The following XKR6 variants were observed in gnomAD, a reference collection of about 807,000 sequenced individuals.
XKR6 encodes XK related 6.
Under a neutral mutation model 56.7 loss-of-function variants are expected in XKR6, and 22 were observed. That is an observed-to-expected ratio of 0.39 (90% confidence interval 0.28 to 0.55). The LOEUF is 0.55. Among genes scored for constraint, XKR6 ranks in the 20% least tolerant of loss-of-function variants. The probability of loss-of-function intolerance (pLI) is 0.66; values close to 1 mark genes in which losing one functional copy is unlikely to be tolerated. For synonymous variants in XKR6, 524 were observed against 387.8 expected (o/e 1.35, Z -4.13); for missense variants, 852 against 889.0 (o/e 0.96, Z 0.53).
chr8:11,093,545 T>A (rs1446505392), intron 1 of XKR6, among the ~76,000 whole-genome samples: 1 of 152,196 alleles, frequency 6.6e-6, no homozygotes, highest in East Asian at 1.9e-4. Context: ...AGTCTCTTAG[T>A]TATAATAGCC....
At chr8:10,900,265 C>T (rs775234226) in intron 2 of XKR6, among the ~76,000 whole-genome samples, 1 of 152,146 alleles carries the variant, frequency 6.6e-6, no homozygotes, top group Non-Finnish European at 1.5e-5. Flanking sequence ...CCCCATTCAT[C>T]AAGACACTGG....
At chr8:11,094,456 C>T (rs1210077742) in intron 1 of XKR6, among the ~76,000 whole-genome samples, 13 of 152,196 alleles carry the variant, frequency 8.5e-5, no homozygotes, top group Admixed American at 8.5e-4. Flanking sequence ...TCCCAAAGTG[C>T]TGGGAGTACA....
intron 2 of XKR6, among the ~76,000 whole-genome samples, chr8:10,906,128 G>T (rs1312287504): frequency 2.6e-5 from 4 of 152,220 alleles, no homozygotes; most frequent in African/African-American, 9.6e-5. Context: ...ATCTGCATGT[G>T]CTGGAGCTGG....
At chr8:11,065,947 A>G (rs770792656) in intron 1 of XKR6, among the ~76,000 whole-genome samples, 5 of 151,984 alleles carry the variant, frequency 3.3e-5, no homozygotes, top group Non-Finnish European at 5.9e-5. Flanking sequence ...TGGGTAAGTC[A>G]CTCTTCAAGC....
At chr8:10,910,146 C>G (rs1484522249) in intron 2 of XKR6, among the ~76,000 whole-genome samples, 1 of 152,116 alleles carries the variant, frequency 6.6e-6, no homozygotes, top group Non-Finnish European at 1.5e-5. Context: ...CTGCTGGCAT[C>G]TGGCAGGTAG....
chr8:10,981,346 G>A (rs563433766), intron 1 of XKR6, among the ~76,000 whole-genome samples: 1 of 152,112 alleles, frequency 6.6e-6, no homozygotes, highest in Non-Finnish European at 1.5e-5. Context: ...CACGTTCCAG[G>A]TGAGGCCCAT....
At chr8:11,026,613 T>C (rs867537222) in intron 1 of XKR6, among the ~76,000 whole-genome samples, 29 of 144,574 alleles carry the variant, frequency 2.0e-4, no homozygotes, top group African/African-American at 6.6e-4. Flanking sequence ...TACTACACAC[T>C]TAGATGGTCT....
intron 1 of XKR6, among the ~76,000 whole-genome samples, chr8:11,133,312 G>A (rs80059815): frequency 1.3e-5 from 2 of 152,094 alleles, no homozygotes; most frequent in Non-Finnish European, 2.9e-5. Flanking sequence ...CTTTGTGAGA[G>A]GCAAGGTGGA....
chr8:10,912,872 G>A (rs946628073), intron 2 of XKR6, among the ~76,000 whole-genome samples: 4 of 71,560 alleles, frequency 5.6e-5, no homozygotes, highest in Admixed American at 2.1e-4. Flanking sequence ...TATAGATAGA[G>A]AGAAAGAGGG....
intron 2 of XKR6, among the ~76,000 whole-genome samples, chr8:10,915,926 T>C (rs2129113328): frequency 6.6e-6 from 1 of 151,970 alleles, no homozygotes; most frequent in South Asian, 2.1e-4. Flanking sequence ...CAAGAGGGAG[T>C]TGGTCCTCTT....
chr8:11,198,905 C>A (rs549049574), intron 1 of XKR6, among the ~76,000 whole-genome samples: 13 of 151,972 alleles, frequency 8.6e-5, no homozygotes, highest in Non-Finnish European at 1.9e-4. Context: ...AGAAAACAAC[C>A]CCCAGCCCCC....
chr8:11,157,583 A>T (rs1343783897), intron 1 of XKR6, among the ~76,000 whole-genome samples: 1 of 152,130 alleles, frequency 6.6e-6, no homozygotes, highest in Non-Finnish European at 1.5e-5. Flanking sequence ...TGGCGTGATC[A>T]TAGCTCACTG....
intron 1 of XKR6, among the ~76,000 whole-genome samples, chr8:11,148,690 G>A (rs1015952508): frequency 6.6e-6 from 1 of 152,110 alleles, no homozygotes; most frequent in Non-Finnish European, 1.5e-5. Flanking sequence ...TTATCGAGGA[G>A]AAATAAAAAC....
intron 1 of XKR6, among the ~76,000 whole-genome samples, chr8:11,164,012 G>A (rs945846895): frequency 6.6e-6 from 1 of 152,120 alleles, no homozygotes; most frequent in Non-Finnish European, 1.5e-5. Context: ...ACAGTAATGT[G>A]AGCATGTTTT....
At chr8:11,126,439 C>T (rs752378465) in intron 1 of XKR6, among the ~76,000 whole-genome samples, 23 of 152,108 alleles carry the variant, frequency 1.5e-4, no homozygotes, top group Admixed American at 3.3e-4. Context: ...TTGTTTTTGG[C>T]CTACTACTCA....
chr8:11,125,449 T>C (rs1048771037), intron 1 of XKR6, among the ~76,000 whole-genome samples: 2 of 152,084 alleles, frequency 1.3e-5, no homozygotes, highest in African/African-American at 4.8e-5. Flanking sequence ...TGGTTGAGTA[T>C]GAGATTAATT....
rs188650081 is a variant in XKR6, at chr8:11,061,364, G to A, written c.765-136534C>T. Among the ~76,000 whole-genome samples the A allele has an allele frequency of 1.2e-3, 178 of 152,238 alleles. 1 individual carries two copies. Among genetic ancestry groups the A allele is most frequent in the African/African-American group, 4.1e-3 (172 of 41,550 alleles). ...ACCTGTAGTCCCAGCTACTGTGGAG[G>A]CTGAGGTGGGAGGATCACCTGAACC... On this transcript the variant is annotated intron_variant, in intron 1 of 2. Coordinates refer to ENST00000416569, the MANE Select transcript of XKR6 (RefSeq NM_173683.4).
chr8:11,172,215 C>G (rs1262804254), intron 1 of XKR6, among the ~76,000 whole-genome samples: 1 of 151,864 alleles, frequency 6.6e-6, no homozygotes, highest in Non-Finnish European at 1.5e-5. Flanking sequence ...ACAAAAAATA[C>G]AAAAATTAGC....
At chr8:10,984,345 A>C (rs926648454) in intron 1 of XKR6, among the ~76,000 whole-genome samples, 1 of 152,178 alleles carries the variant, frequency 6.6e-6, no homozygotes, top group Non-Finnish European at 1.5e-5. Context: ...CCTCAACTCA[A>C]AAGGCTGTAC....
Sources: gnomAD v4.1 joint callset for allele counts (sites outside exome capture counted in the v4.1 genomes callset) on GRCh38, gnomAD v4.1.1 for gene constraint, MANE v1.5 for transcripts, NCBI Gene and HGNC (gene_info 2026-07-23, HGNC 2026-07-21) for gene names.